SRGAP3: variants seen among roughly 807,000 people sequenced by gnomAD.
SRGAP3 encodes the protein SLIT-ROBO Rho GTPase-activating protein 3.
A neutral mutation model predicts 121.1 loss-of-function variants in SRGAP3; 39 were observed. The observed-to-expected ratio is 0.32, with a 90% CI of 0.25 to 0.42. The LOEUF (loss-of-function observed/expected upper bound fraction) is 0.42. Ranked by LOEUF, SRGAP3 falls within the 10% of genes least tolerant of loss-of-function variation. The pLI is 1.00. For synonymous variants in SRGAP3, 601 were observed against 570.0 expected (o/e 1.05, Z -0.77); for missense variants, 1,213 against 1,470.6 (o/e 0.82, Z 2.86).
At chr3:9,321,746 T>C (rs924494759) in intron 3 of SRGAP3, among the ~76,000 whole-genome samples, 2 of 151,552 alleles carry the variant, frequency 1.3e-5, no homozygotes, top group African/African-American at 2.4e-5. Context: ...CAATACCTTA[T>C]AAGTGGGAGC....
At chr3:9,270,900 T>C (rs1954462686) in intron 3 of SRGAP3, among the ~76,000 whole-genome samples, 1 of 152,164 alleles carries the variant, frequency 6.6e-6, no homozygotes, top group South Asian at 2.1e-4. Context: ...CAATAACCGC[T>C]GAAGACAAAA....
intron 1 of SRGAP3, among the ~76,000 whole-genome samples, chr3:9,205,596 C>T (rs1046966656): frequency 6.6e-6 from 1 of 152,244 alleles, no homozygotes; most frequent in Non-Finnish European, 1.5e-5. Context: ...CATCTCCTGC[C>T]TCCTGGTCCT....
chr3:9,038,009 C>T, intron 11 of SRGAP3, 54 bp downstream of exon 11: 1 of 1,612,964 alleles, frequency 6.2e-7, no homozygotes, highest in Non-Finnish European at 8.5e-7. Flanking sequence ...CCAGCCCCAT[C>T]CCACTCCCAC....
At chr3:8,989,559 G>T (rs1024778046) in intron 21 of SRGAP3, among the ~76,000 whole-genome samples, 9 of 152,148 alleles carry the variant, frequency 5.9e-5, no homozygotes, top group Non-Finnish European at 1.0e-4. Flanking sequence ...AGACCAGAAG[G>T]TTCTGATTGT....
intron 18 of SRGAP3, among the ~76,000 whole-genome samples, chr3:8,994,808 C>G (rs1346773767): frequency 1.3e-5 from 2 of 152,202 alleles, no homozygotes; most frequent in South Asian, 4.1e-4. Context: ...TTTTAATGCT[C>G]ATTAAGACAA....
intron 2 of SRGAP3, among the ~76,000 whole-genome samples, chr3:9,123,141 A>C (rs913604276): frequency 2.0e-5 from 3 of 152,200 alleles, no homozygotes; most frequent in Non-Finnish European, 4.4e-5. Flanking sequence ...CGAATTCATA[A>C]AGACATAAAG....
intron 1 of SRGAP3, among the ~76,000 whole-genome samples, chr3:9,177,416 A>G (rs990483024): frequency 7.2e-5 from 11 of 152,198 alleles, no homozygotes; most frequent in African/African-American, 2.7e-4. Context: ...TGGTGAGTAC[A>G]AGGAGCAGCG....
At position 9,124,935 on chromosome 3, in the gene SRGAP3, T is replaced by A; in HGVS notation, c.68-18A>T. 6.2e-7 allele frequency: 1 copy of A among 1,613,606 alleles called. No homozygotes were observed. The highest frequency in any genetic ancestry group is 2.2e-5 in the East Asian group (1 of 44,880). Reference sequence around the variant, plus strand: ...GCGGATCTCTGCGGGCACACAAGGGTAGGAGCATGAGACTGGTGGTGGGGA... The same window carrying A: ...GCGGATCTCTGCGGGCACACAAGGGAAGGAGCATGAGACTGGTGGTGGGGA... On this transcript the variant is annotated intron_variant, in intron 1 of 21. Transcript: ENST00000383836.
intron 3 of SRGAP3, among the ~76,000 whole-genome samples, chr3:9,324,413 C>G (rs1358293444): frequency 3.3e-5 from 5 of 151,794 alleles, no homozygotes; most frequent in African/African-American, 1.2e-4. Flanking sequence ...CACTGGGAAA[C>G]AGAAGAGCAG....
chr3:9,357,035 G>C (rs1337651644), intron 1 of SRGAP3, among the ~76,000 whole-genome samples: 1 of 152,054 alleles, frequency 6.6e-6, no homozygotes, highest in Non-Finnish European at 1.5e-5. Flanking sequence ...GGCCAAGGCA[G>C]GCAGATCACT....
At chr3:9,052,447 G>T (rs79219753) in intron 9 of SRGAP3, among the ~76,000 whole-genome samples, 3,289 of 152,332 alleles carry the variant, frequency 0.022, 34 homozygotes, top group Non-Finnish European at 0.034. Context: ...ACTGACTCAA[G>T]CATCCCATGG....
At chr3:9,156,347 A>G (rs529146354) in intron 1 of SRGAP3, among the ~76,000 whole-genome samples, 1 of 152,076 alleles carries the variant, frequency 6.6e-6, no homozygotes, top group Non-Finnish European at 1.5e-5. Context: ...GCCCTCTGCC[A>G]TTTTGCAATT....
intron 1 of SRGAP3, among the ~76,000 whole-genome samples, chr3:9,200,691 CA>C (rs1014400748): frequency 8.6e-5 from 13 of 152,016 alleles, no homozygotes; most frequent in African/African-American, 2.9e-4. Flanking sequence ...TTCCAGATCC[CA>C]AAAAGACAGG....
Position 8,981,367 on chromosome 3 carries a change from C to T in SRGAP3, c.*4152G>A, listed in dbSNP as rs564894374. 1.3e-5 allele frequency: 3 copies of T among 232,784 alleles called. No individual in the cohort carries two copies. Among genetic ancestry groups the T allele is most frequent in the African/African-American group, 6.6e-5 (3 of 45,408 alleles). 14.4% of individuals were successfully genotyped at this position (232,784 alleles called of 1,614,324 possible). A position where few individuals can be genotyped will look rare whatever the true frequency, so the allele number is the denominator to read the frequency against. ...ACTCCCAGCCCAGCAGGGGCTAACCCCATGGTTGTGAGCCAGCCACTCTTC... is the reference window on the plus strand; with the variant it reads ...ACTCCCAGCCCAGCAGGGGCTAACCTCATGGTTGTGAGCCAGCCACTCTTC... On this transcript the variant is annotated 3_prime_UTR_variant, in exon 22 of 22. Transcript: ENST00000383836.
At chr3:9,324,335 T>C (rs375233289) in intron 3 of SRGAP3, among the ~76,000 whole-genome samples, 17 of 152,036 alleles carry the variant, frequency 1.1e-4, no homozygotes, top group Middle Eastern at 3.4e-3. Context: ...TTTTGAGAGA[T>C]TGACCAAAAC....
rs182906244 is a variant in SRGAP3 at position 9,004,546 on chromosome 3, A to G, written c.2227+5762T>C. On this transcript the variant is annotated intron_variant, in intron 18 of 21. Coordinates refer to ENST00000383836, the MANE Select transcript of SRGAP3 (RefSeq NM_014850.4). The stretch of plus-strand genomic sequence containing the variant: ...ACTACAAAGCAACAGTAATGAAGAC[A>G]GTATAGTACCAACACAGAGATAGAC... 1.1e-3 allele frequency among the ~76,000 whole-genome samples: 165 copies of G among 152,342 alleles called. 3 individuals are homozygous for G. The highest frequency in any genetic ancestry group is 4.3e-4 in the Non-Finnish European group (29 of 68,024).
intron 1 of SRGAP3, among the ~76,000 whole-genome samples, chr3:9,225,083 C>T (rs76893254): frequency 0.01 from 1,540 of 152,236 alleles, 26 homozygotes; most frequent in African/African-American, 0.035. Context: ...CACCAAATCC[C>T]CAAACTTCAT....
chr3:9,059,899 G>A (rs1282489425), intron 6 of SRGAP3: 1 of 384,786 alleles, frequency 2.6e-6, no homozygotes, highest in Non-Finnish European at 5.0e-6. Flanking sequence ...GGCATGAACT[G>A]TGTATGGTTC....
chr3:9,170,252 T>A (rs113747529), intron 1 of SRGAP3, among the ~76,000 whole-genome samples: 1 of 152,190 alleles, frequency 6.6e-6, no homozygotes, highest in African/African-American at 2.4e-5. Flanking sequence ...GGGAAGTTTT[T>A]GAGCCTGCCG....
Sources: gnomAD v4.1 joint callset for allele counts (sites outside exome capture counted in the v4.1 genomes callset) on GRCh38, gnomAD v4.1.1 for gene constraint, MANE v1.5 for transcripts, NCBI Gene and HGNC (gene_info 2026-07-23, HGNC 2026-07-21) for gene names.